The following ZNF804B variants were observed in gnomAD, a reference collection of about 807,000 sequenced individuals.
ZNF804B encodes zinc finger 804B.
In ZNF804B, 80 loss-of-function variants were observed where a neutral mutation model predicts 101.4. That is an observed-to-expected ratio of 0.79 (90% confidence interval 0.66 to 0.95). The LOEUF (loss-of-function observed/expected upper bound fraction) is 0.95. Ranked by LOEUF, ZNF804B falls within the 40% of genes least tolerant of loss-of-function variation. ZNF804B has a pLI of 0.00. For synonymous variants in ZNF804B, 622 were observed against 558.8 expected (o/e 1.11, Z -1.59); for missense variants, 1,673 against 1,561.9 (o/e 1.07, Z -1.20).
At chr7:88,980,129 A>G (rs537259847) in intron 1 of ZNF804B, among the ~76,000 whole-genome samples, 3 of 151,914 alleles carry the variant, frequency 2.0e-5, no homozygotes, top group Non-Finnish European at 4.4e-5. Context: ...GGTTAGTTAC[A>G]TGTGTATACA....
chr7:88,905,464 T>A (rs1792455210), intron 1 of ZNF804B, among the ~76,000 whole-genome samples: 1 of 152,064 alleles, frequency 6.6e-6, no homozygotes, highest in Non-Finnish European at 1.5e-5. Flanking sequence ...TTCAGGCAAT[T>A]CTCCTGCCTC....
At chr7:89,036,624 C>A (rs1272618125) in intron 1 of ZNF804B, among the ~76,000 whole-genome samples, 1 of 152,024 alleles carries the variant, frequency 6.6e-6, no homozygotes, top group African/African-American at 2.4e-5. Context: ...GAAACTGAGA[C>A]CTTAGTCTTA....
chr7:88,782,229 T>C (rs1350750827), intron 1 of ZNF804B, among the ~76,000 whole-genome samples: 5 of 151,616 alleles, frequency 3.3e-5, no homozygotes, highest in Admixed American at 6.6e-5. Context: ...CAGGGAACTA[T>C]GGAAAGATAC....
chr7:89,311,344 CAAAG>C (rs1415627669), intron 2 of ZNF804B, among the ~76,000 whole-genome samples: 23 of 152,162 alleles, frequency 1.5e-4, no homozygotes. Flanking sequence ...CACTTCGTCT[CAAAG>C]AAATGGTGAT....
chr7:88,785,682 G>A (rs1385493305), intron 1 of ZNF804B, among the ~76,000 whole-genome samples: 1 of 152,050 alleles, frequency 6.6e-6, no homozygotes, highest in East Asian at 1.9e-4. Context: ...TTGAGGCCCT[G>A]CCTTGTAGAA....
intron 2 of ZNF804B, among the ~76,000 whole-genome samples, chr7:89,262,958 T>C (rs901506120): frequency 6.9e-6 from 1 of 145,224 alleles, no homozygotes; most frequent in Non-Finnish European, 1.5e-5. Flanking sequence ...TTTGCTGCTT[T>C]CTTGTGCACT....
chr7:89,327,572 C>CT (rs1790914524), intron 3 of ZNF804B, 98 bp downstream of exon 3: 1 of 1,466,292 alleles, frequency 6.8e-7, no homozygotes, highest in Admixed American at 2.3e-5. Context: ...CAAATAATAA[C>CT]TAACTAATAG....
intron 1 of ZNF804B, among the ~76,000 whole-genome samples, chr7:88,925,751 G>A (rs1792787604): frequency 6.6e-6 from 1 of 152,118 alleles, no homozygotes; most frequent in Non-Finnish European, 1.5e-5. Flanking sequence ...TAAACACGGA[G>A]AGTAGAAAGG....
intron 1 of ZNF804B, among the ~76,000 whole-genome samples, chr7:88,814,791 C>T (rs1224816038): frequency 2.0e-5 from 3 of 151,948 alleles, no homozygotes; most frequent in Non-Finnish European, 2.9e-5. Context: ...ATAAAAGTTT[C>T]TTCCTTCTCC....
chr7:89,095,756 C>T (rs915792323), intron 1 of ZNF804B, among the ~76,000 whole-genome samples: 13 of 152,110 alleles, frequency 8.5e-5, no homozygotes, highest in Admixed American at 2.6e-4. Flanking sequence ...CATTTGTTTC[C>T]TGTTAAGTTT....
intron 1 of ZNF804B, among the ~76,000 whole-genome samples, chr7:89,123,059 C>T (rs574218413): frequency 1.2e-4 from 18 of 151,748 alleles, no homozygotes; most frequent in Non-Finnish European, 1.2e-4. Context: ...AAACTTGTCA[C>T]GGTATACTTG....
At chr7:89,167,023 A>G (rs887357944) in intron 1 of ZNF804B, among the ~76,000 whole-genome samples, 2 of 152,138 alleles carry the variant, frequency 1.3e-5, no homozygotes, top group Non-Finnish European at 1.5e-5. Context: ...ATTTGTGTAT[A>G]TTTTAAATGA....
chr7:89,297,921 C>A (rs181880759), intron 2 of ZNF804B, among the ~76,000 whole-genome samples: 1 of 149,774 alleles, frequency 6.7e-6, no homozygotes, highest in Non-Finnish European at 1.5e-5. Context: ...CAATAATATT[C>A]TTTAGAGATA....
At chr7:89,291,214 A>T (rs951528983) in intron 2 of ZNF804B, among the ~76,000 whole-genome samples, 1 of 152,214 alleles carries the variant, frequency 6.6e-6, no homozygotes, top group Non-Finnish European at 1.5e-5. Context: ...CAACCCTTCA[A>T]TGCCCAGACA....
At chr7:89,094,035 T>C (rs1789934719) in intron 1 of ZNF804B, among the ~76,000 whole-genome samples, 1 of 152,226 alleles carries the variant, frequency 6.6e-6, no homozygotes, top group African/African-American at 2.4e-5. Flanking sequence ...AATAATTCCA[T>C]ATACAAATAG....
At chr7:88,770,888 G>A (rs947006136) in intron 1 of ZNF804B, among the ~76,000 whole-genome samples, 5 of 152,136 alleles carry the variant, frequency 3.3e-5, no homozygotes, top group Admixed American at 6.5e-5. Flanking sequence ...AACATCCTAT[G>A]CAATGTATAT....
intron 1 of ZNF804B, among the ~76,000 whole-genome samples, chr7:88,800,297 C>T (rs150363621): frequency 6.6e-6 from 1 of 151,896 alleles, no homozygotes; most frequent in Non-Finnish European, 1.5e-5. Flanking sequence ...GAAAAAAAAA[C>T]AAACTACATT....
chr7:89,280,211 G>A (rs1271500486), intron 2 of ZNF804B, among the ~76,000 whole-genome samples: 2 of 151,874 alleles, frequency 1.3e-5, no homozygotes, highest in African/African-American at 4.8e-5. Flanking sequence ...TGAAACCAAT[G>A]AGAACAAAGA....
At chr7:88,784,706 G>C (rs1790275229) in intron 1 of ZNF804B, among the ~76,000 whole-genome samples, 1 of 152,098 alleles carries the variant, frequency 6.6e-6, no homozygotes, top group Non-Finnish European at 1.5e-5. Flanking sequence ...TCCTGCTTCT[G>C]CCTCTGCCAC....
Sources: allele counts gnomAD v4.1 joint callset (sites outside exome capture counted in the v4.1 genomes callset), GRCh38; gene constraint gnomAD v4.1.1; transcripts MANE v1.5; gene names NCBI Gene and HGNC (gene_info 2026-07-23, HGNC 2026-07-21).